COX15: variants seen among roughly 807,000 people sequenced by gnomAD.
COX15 encodes cytochrome c oxidase assembly factor COX15, also known as heme A synthase COX15.
In COX15, 51 loss-of-function variants were observed where a neutral mutation model predicts 51.9. That is an observed-to-expected ratio of 0.98 (90% confidence interval 0.78 to 1.24). COX15 has a LOEUF of 1.24. Ranked by LOEUF, COX15 falls within the 50% of genes most tolerant of loss-of-function variation. The pLI, the probability that COX15 is intolerant of heterozygous loss-of-function variation, is 0.00. For synonymous variants in COX15, 188 were observed against 190.5 expected (o/e 0.99, Z 0.11); for missense variants, 420 against 501.1 (o/e 0.84, Z 1.55).
chr10:99,721,883 A>T (rs1468909717), intron 5 of COX15, among the ~76,000 whole-genome samples: 9 of 152,134 alleles, frequency 5.9e-5, no homozygotes, highest in South Asian at 4.2e-4. Flanking sequence ...AATTAAAAAA[A>T]TTTTTTTTCT....
At chr10:99,700,209 T>A in the COX15 span, among the ~76,000 whole-genome samples, 1 of 152,184 alleles carries the variant, frequency 6.6e-6, no homozygotes, top group East Asian at 1.9e-4. Flanking sequence ...GTTATTGGGC[T>A]TAACATATTA....
intron 4 of COX15, among the ~76,000 whole-genome samples, chr10:99,725,924 T>C (rs1044301533): frequency 2.0e-5 from 3 of 152,230 alleles, no homozygotes; most frequent in African/African-American, 7.2e-5. Flanking sequence ...CTGATTAAAT[T>C]TTGATGTTTC....
chr10:99,729,680 C>G lies in COX15; in HGVS notation c.145G>C (p.Val49Leu). 6.2e-7 allele frequency: 1 copy of G among 1,614,166 alleles called. No individual in the cohort carries two copies. The highest frequency in any genetic ancestry group is 8.5e-7 in the Non-Finnish European group (1 of 1,180,036). The change falls in exon 2 of 9, where the codon GTA becomes CTA. Residue 49 changes from valine (V) to leucine (L), a missense_variant. Transcript: ENST00000016171. ...RPGQYSTISE[V>L]ALQSGRGTVS... The stretch of plus-strand genomic sequence containing the variant: ...GTACCCCTTCCAGATTGCAAAGCTA[C>G]TTCAGAGATGGTGCTGTATTGCCCT...
chr10:99,717,052 A>G (rs1028057574), intron 7 of COX15, among the ~76,000 whole-genome samples: 4 of 152,184 alleles, frequency 2.6e-5, no homozygotes, highest in African/African-American at 9.7e-5. Flanking sequence ...AGTGCTGTCC[A>G]CAATGACAAT....
At chr10:99,703,707 T>TAG in the COX15 span, among the ~76,000 whole-genome samples, 3 of 152,122 alleles carry the variant, frequency 2.0e-5, no homozygotes, top group Non-Finnish European at 4.4e-5. Context: ...TAAGGAAACA[T>TAG]AGTACCTTTA....
downstream of COX15, among the ~76,000 whole-genome samples, chr10:99,707,903 G>A (rs1251774205): frequency 6.6e-6 from 1 of 152,010 alleles, no homozygotes; most frequent in African/African-American, 2.4e-5. Context: ...GGAAACTTTT[G>A]TTCCCACACC....
Position 99,711,877 on chromosome 10 carries a change from T to A in COX15, c.*2710A>T. 2.1e-6 allele frequency: 2 copies of A among 939,722 alleles called. No homozygotes were observed. Among genetic ancestry groups the A allele is most frequent in the Non-Finnish European group, 1.3e-6 (1 of 788,218 alleles). The allele number at this position is 939,722 out of a possible 1,614,324, so 58.2% of individuals were successfully genotyped here. A position where few individuals can be genotyped will look rare whatever the true frequency, so the allele number is the denominator to read the frequency against. Reference sequence around the variant, plus strand: ...AAGAAAAGAGGTTTATTTGGCTCACTGTTCTGCATAGAACTGTATAGGAAG... The same window carrying A: ...AAGAAAAGAGGTTTATTTGGCTCACAGTTCTGCATAGAACTGTATAGGAAG... On this transcript the variant is annotated 3_prime_UTR_variant, in exon 9 of 9. Coordinates refer to ENST00000016171, the MANE Select transcript of COX15 (RefSeq NM_078470.6).
At chr10:99,708,487 C>T (rs1274973785), downstream of COX15, among the ~76,000 whole-genome samples, 2 of 152,150 alleles carry the variant, frequency 1.3e-5, no homozygotes, top group East Asian at 3.9e-4. Flanking sequence ...TACCCCAGGC[C>T]AGTCACTTAC....
At position 99,731,949 on chromosome 10, in the gene COX15, C is replaced by T. The variant is rs1382915881; in HGVS notation, c.90+11G>A. The T allele has an allele frequency of 2.5e-6, 4 of 1,605,798 alleles. No homozygotes were observed. The African/African-American group carries it at 5.3e-5, about 21-fold the overall frequency. ...CGCTCCCGCGACTCGGAGTCCGCTG[C>T]AGTGCGGTACCTGTGCTCTAGGCGC... On this transcript the variant is annotated intron_variant, in intron 1 of 8. Coordinates refer to ENST00000016171, the MANE Select transcript of COX15 (RefSeq NM_078470.6).
chr10:99,709,233 G>T (rs1009446425), downstream of COX15: 52 of 985,184 alleles, frequency 5.3e-5, no homozygotes, highest in Admixed American at 6.2e-5. Flanking sequence ...TCCAGACTCT[G>T]TTACAGAAAC....
At chr10:99,720,605 G>A (rs1002267554) in intron 6 of COX15, among the ~76,000 whole-genome samples, 3 of 152,182 alleles carry the variant, frequency 2.0e-5, no homozygotes, top group Admixed American at 2.0e-4. Flanking sequence ...TGTAGCCTTT[G>A]CTACATGCCA....
At chr10:99,695,894 C>G in the COX15 span, 1 of 1,522,944 alleles carries the variant, frequency 6.6e-7, no homozygotes, top group South Asian at 1.2e-5. Flanking sequence ...TTAGCAATGT[C>G]ATAGCTTTCT....
chr10:99,722,170 T>G (rs921956738), intron 5 of COX15, among the ~76,000 whole-genome samples: 1 of 152,130 alleles, frequency 6.6e-6, no homozygotes, highest in African/African-American at 2.4e-5. Context: ...CCAGCCTTAA[T>G]TAGTTAAAAT....
chr10:99,698,515 GT>G, the COX15 span: 4 of 1,608,338 alleles, frequency 2.5e-6, no homozygotes, highest in African/African-American at 2.7e-5. Flanking sequence ...TTGTTTGTTT[GT>G]TTTTGTCATT....
intron 1 of COX15, 96 bp from the exon 2 acceptor site, chr10:99,729,830 TC>T: frequency 1.7e-6 from 2 of 1,156,684 alleles, no homozygotes; most frequent in Non-Finnish European, 1.3e-6. Flanking sequence ...TACCATAGCA[TC>T]CCCACAGCCA....
In COX15 at chr10:99,727,122, T is replaced by A. The variant is rs1382705783; in HGVS notation, c.428A>T (p.Lys143Met). 6.2e-7 allele frequency: 1 copy of A among 1,614,226 alleles called. No homozygotes were observed. The highest frequency in any genetic ancestry group is 8.5e-7 in the Non-Finnish European group (1 of 1,180,050). ...LNHDMTLTEF[K>M]FIWYMEYSHR... is the part of the protein sequence containing the mutation. ...TGAGTACTCCATGTACCAGATGAAC[T>A]TGAATTCTGTCAGTGTCATATCATG... is the stretch of plus-strand genomic sequence containing the variant. Residue 143 changes from lysine (K) to methionine (M), a missense_variant, in exon 4 of 9, where the codon AAG becomes ATG. By Grantham distance (95) the Lys-to-Met change is moderately conservative (BLOSUM62 -1). Transcript: ENST00000016171.
At chr10:99,716,284 T>G (rs968539462) in intron 8 of COX15, 64 bp downstream of exon 8, 1 of 1,174,510 alleles carries the variant, frequency 8.5e-7, no homozygotes, top group Non-Finnish European at 1.3e-6. Context: ...TGAGCCACTG[T>G]GCCCGGCCCC....
rs993641039 is a variant in COX15, at chr10:99,712,345, G to A, written c.*2242C>T. On this transcript the variant is annotated 3_prime_UTR_variant, in exon 9 of 9. Coordinates refer to ENST00000016171, the MANE Select transcript of COX15 (RefSeq NM_078470.6). ...CATTTATGGCTCTCAGACACGTTAA[G>A]CCTGCATAACATTTTTTAAAATCTT... 17 of 985,266 alleles carry A rather than the reference G, an allele frequency of 1.7e-5. No homozygotes were observed. In the Admixed American group the frequency reaches 2.5e-4, roughly 14 times the overall value. The allele number at this position is 985,266 out of a possible 1,614,324, so 61.0% of individuals were successfully genotyped here. A position where few individuals can be genotyped will look rare whatever the true frequency, so the allele number is the denominator to read the frequency against.
At chr10:99,709,071 T>C (rs2036307681), downstream of COX15, 6 of 982,416 alleles carry the variant, frequency 6.1e-6, no homozygotes, top group Non-Finnish European at 7.3e-6. Flanking sequence ...TTTCGTACTT[T>C]TAAATTTTAT....
Sources: allele counts gnomAD v4.1 joint callset (sites outside exome capture counted in the v4.1 genomes callset), GRCh38; gene constraint gnomAD v4.1.1; transcripts MANE v1.5; gene names NCBI Gene and HGNC (gene_info 2026-07-23, HGNC 2026-07-21).